Variants in NUP160 observed in about 807,000 individuals in gnomAD.
NUP160 encodes the protein nuclear pore complex protein Nup160.
Under a neutral mutation model 196.9 loss-of-function variants are expected in NUP160, and 94 were observed. That is an observed-to-expected ratio of 0.48 (90% CI 0.40 to 0.57). The LOEUF is 0.57. NUP160 is among the 20% of genes least tolerant of loss of function. The pLI is 0.00. For synonymous variants in NUP160, 605 were observed against 619.7 expected (o/e 0.98, Z 0.35); for missense variants, 1,638 against 1,748.3 (o/e 0.94, Z 1.13).
intron 27 of NUP160, among the ~76,000 whole-genome samples, chr11:47,794,814 A>T (rs527877947): frequency 7.9e-5 from 12 of 151,936 alleles, no homozygotes; most frequent in African/African-American, 2.9e-4. Flanking sequence ...CAGGAGTCTG[A>T]GGCAGGAGAA....
chr11:47,806,205 A>G, exon 20 of NUP160: 1 of 1,614,112 alleles, frequency 6.2e-7, no homozygotes, highest in Non-Finnish European at 8.5e-7. Context: ...GGCCAATTCA[A>G]TCCAGTTTGG....
At chr11:47,783,180 A>G in exon 34 of NUP160, 3 of 1,613,584 alleles carry the variant, frequency 1.9e-6, no homozygotes, top group Non-Finnish European at 1.7e-6. Context: ...AAACGAAGCA[A>G]TTCAGCAGCA....
At chr11:47,780,287 G>T in intron 35 of NUP160, 56 bp downstream of exon 35, 2 of 1,168,186 alleles carry the variant, frequency 1.7e-6, no homozygotes, top group Non-Finnish European at 2.6e-6. Flanking sequence ...AAGCTGTAAG[G>T]TGTAACTGCT....
intron 13 of NUP160, 191 bp downstream of exon 13, chr11:47,815,288 A>G: frequency 2.4e-6 from 1 of 420,894 alleles, no homozygotes; most frequent in Non-Finnish European, 4.2e-6. Context: ...ATAACACAGA[A>G]AACTATTTAA....
At chr11:47,834,735 G>T (rs559322512) in intron 7 of NUP160, among the ~76,000 whole-genome samples, 1 of 152,310 alleles carries the variant, frequency 6.6e-6, no homozygotes, top group East Asian at 1.9e-4. Context: ...GGGCGTGCAT[G>T]CAGGGGTGAT....
intron 1 of NUP160, 104 bp from the exon 2 acceptor site, chr11:47,848,063 G>C: frequency 7.9e-7 from 1 of 1,261,372 alleles, no homozygotes; most frequent in Non-Finnish European, 1.2e-6. Context: ...CCCATACAAA[G>C]AAAAGAGGAA....
In NUP160 at chr11:47,798,262, C is replaced by G. The variant is rs764212791; in HGVS notation, c.2992G>C (p.Ala998Pro). 3.8e-6 allele frequency: 6 copies of G among 1,600,002 alleles called. No individual in the cohort carries two copies. The Admixed American group carries it at 6.7e-5, about 18-fold the overall frequency. ...TTGAAAATACATGTCCTTAGAGTAG[C>G]CTAAATATCAAATGTAGATCAAATA... Residue 998 changes from alanine to proline, a missense_variant and splice_region_variant, in exon 25 of 36, where the codon GCT becomes CCT. By Grantham distance (27) the Ala-to-Pro change is conservative. This residue lies in a region of NUP160 where 1,345 missense variants were observed against 1,470.2 expected (regional missense o/e 0.91). Coordinates refer to ENST00000378460, the Ensembl canonical transcript of NUP160.
chr11:47,785,543 T>C (rs1463576764), intron 32 of NUP160, among the ~76,000 whole-genome samples: 1 of 152,244 alleles, frequency 6.6e-6, no homozygotes, highest in Non-Finnish European at 1.5e-5. Flanking sequence ...CTAGATGTCT[T>C]GGGTTCGTAT....
At chr11:47,815,534 T>C in exon 13 of NUP160, 4 of 1,611,666 alleles carry the variant, frequency 2.5e-6, no homozygotes, top group Non-Finnish European at 3.4e-6. Flanking sequence ...GGCAAGAGGG[T>C]GAGAGAGGGC....
At chr11:47,841,076 A>T (rs1852287296) in intron 2 of NUP160, among the ~76,000 whole-genome samples, 1 of 152,236 alleles carries the variant, frequency 6.6e-6, no homozygotes, top group Non-Finnish European at 1.5e-5. Context: ...GTGCAAAAAT[A>T]TTACAAAAAT....
chr11:47,802,067 G>T, intron 22 of NUP160, 137 bp from the exon 23 acceptor site: 1 of 708,054 alleles, frequency 1.4e-6, no homozygotes. Context: ...TATAGTTTCT[G>T]ACACATATGA....
intron 34 of NUP160, among the ~76,000 whole-genome samples, chr11:47,782,019 A>G (rs1337467813): frequency 6.6e-6 from 1 of 151,988 alleles, no homozygotes; most frequent in African/African-American, 2.4e-5. Flanking sequence ...GGTGGCTCAC[A>G]TGGGTAATCC....
chr11:47,824,452 C>CA (rs1343464161), intron 7 of NUP160, among the ~76,000 whole-genome samples: 1 of 151,364 alleles, frequency 6.6e-6, no homozygotes, highest in Non-Finnish European at 1.5e-5. Context: ...AAAAAAAATA[C>CA]AAAAAAATTT....
chr11:47,837,217 T>C (rs767271328), intron 5 of NUP160, among the ~76,000 whole-genome samples: 1 of 152,228 alleles, frequency 6.6e-6, no homozygotes, highest in African/African-American at 2.4e-5. Flanking sequence ...GGAAGACTGT[T>C]TCCTTTTATA....
intron 34 of NUP160, among the ~76,000 whole-genome samples, chr11:47,782,002 C>T (rs753965905): frequency 1.4e-4 from 22 of 152,012 alleles, no homozygotes; most frequent in Non-Finnish European, 2.8e-4. Flanking sequence ...ATGCCTAGGC[C>T]GGGCATGGTG....
At chr11:47,838,131 T>C (rs150027104) in intron 4 of NUP160, among the ~76,000 whole-genome samples, 371 of 152,296 alleles carry the variant, frequency 2.4e-3, no homozygotes, top group Middle Eastern at 0.014. Flanking sequence ...GCAGGGGCAC[T>C]GCAATTTTGA....
chr11:47,837,130 T>C (rs1852192664), intron 5 of NUP160, 129 bp from the exon 6 acceptor site: 1 of 552,600 alleles, frequency 1.8e-6, no homozygotes, highest in Non-Finnish European at 3.2e-6. Context: ...GCTTATATGC[T>C]GGTATAAGAC....
At chr11:47,833,506 C>G (rs778876733) in intron 7 of NUP160, among the ~76,000 whole-genome samples, 1 of 150,668 alleles carries the variant, frequency 6.6e-6, no homozygotes, top group Non-Finnish European at 1.5e-5. Context: ...TCAGGGAAAA[C>G]AAATGACAGT....
chr11:47,801,896 A>T, exon 23 of NUP160: 1 of 1,613,836 alleles, frequency 6.2e-7, no homozygotes, highest in Non-Finnish European at 8.5e-7. Context: ...CTCTTTGCCT[A>T]CTTCAGATGC....
Sources: allele counts gnomAD v4.1 joint callset (sites outside exome capture counted in the v4.1 genomes callset), GRCh38; gene constraint gnomAD v4.1.1; regional missense constraint gnomAD v4.1.1; transcripts MANE v1.5; gene names NCBI Gene and HGNC (gene_info 2026-07-23, HGNC 2026-07-21).